Variants in DGKB observed in about 807,000 individuals in gnomAD.
DGKB encodes the protein diacylglycerol kinase beta.
Under a neutral mutation model 114.3 loss-of-function variants are expected in DGKB, and 67 were observed. The observed-to-expected ratio is 0.59, with a 90% CI of 0.48 to 0.72. DGKB has a LOEUF of 0.72. DGKB is among the 30% of genes least tolerant of loss of function. The pLI is 0.00. For missense variants in DGKB, 907 were observed against 975.2 expected (o/e 0.93, Z 0.93); for synonymous variants, 398 against 323.1 (o/e 1.23, Z -2.49).
At chr7:14,715,728 C>A (rs1453711884) in intron 6 of DGKB, among the ~76,000 whole-genome samples, 1 of 152,122 alleles carries the variant, frequency 6.6e-6, no homozygotes, top group Non-Finnish European at 1.5e-5. Context: ...TGACTTCAAG[C>A]AAAACAATGT....
intron 1 of DGKB, among the ~76,000 whole-genome samples, chr7:14,895,689 A>T (rs944948973): frequency 4.5e-4 from 68 of 151,700 alleles, no homozygotes; most frequent in African/African-American, 1.6e-3. Flanking sequence ...CCCGTCAATG[A>T]CTAAAGGATG....
At chr7:14,711,122 T>C (rs1174858530) in intron 6 of DGKB, among the ~76,000 whole-genome samples, 2 of 152,088 alleles carry the variant, frequency 1.3e-5, no homozygotes, top group African/African-American at 4.8e-5. Flanking sequence ...GGAAGGTTGG[T>C]CTGAAAATCC....
chr7:14,323,889 G>C (rs917380576), intron 23 of DGKB, among the ~76,000 whole-genome samples: 1 of 152,126 alleles, frequency 6.6e-6, no homozygotes, highest in African/African-American at 2.4e-5. Context: ...CAAAAAACCT[G>C]TCTATTAGCC....
At chr7:14,835,973 A>T (rs1394943739) in intron 2 of DGKB, among the ~76,000 whole-genome samples, 5 of 152,166 alleles carry the variant, frequency 3.3e-5, no homozygotes, top group Non-Finnish European at 7.3e-5. Flanking sequence ...AAGGCACTGA[A>T]AATCCATTAT....
intron 23 of DGKB, among the ~76,000 whole-genome samples, chr7:14,223,039 G>A (rs1442998080): frequency 6.6e-6 from 1 of 151,516 alleles, no homozygotes; most frequent in African/African-American, 2.4e-5. Flanking sequence ...TCTAAAGTGT[G>A]TCCCCTGAAG....
intron 1 of DGKB, among the ~76,000 whole-genome samples, chr7:14,855,583 G>A (rs1009360360): frequency 4.6e-5 from 7 of 151,980 alleles, no homozygotes; most frequent in African/African-American, 1.7e-4. Flanking sequence ...CACACATTTT[G>A]TCAGATGCTG....
At chr7:14,709,319 G>T (rs1189603838) in intron 6 of DGKB, among the ~76,000 whole-genome samples, 1 of 145,388 alleles carries the variant, frequency 6.9e-6, no homozygotes, top group African/African-American at 2.5e-5. Context: ...GGAAACAACA[G>T]GTGCTGGAGA....
chr7:14,551,338 T>G (rs946527379), intron 20 of DGKB, among the ~76,000 whole-genome samples: 2 of 152,222 alleles, frequency 1.3e-5, no homozygotes, highest in Non-Finnish European at 2.9e-5. Flanking sequence ...GATAAGGTTT[T>G]CATTTTCATG....
rs1272066203 is a variant in DGKB at position 14,148,268 on chromosome 7, CTTAA to C, written c.*859_*862del. 2 of 152,514 alleles carry C rather than the reference CTTAA, an allele frequency of 1.3e-5. No homozygotes were observed. The highest frequency in any genetic ancestry group is 1.9e-4 in the East Asian group (1 of 5,188). The allele number at this position is 152,514 out of a possible 1,614,324, so 9.4% of individuals were successfully genotyped here. Reference sequence around the variant, plus strand: ...GGAACCCTAAATTTGCTCCACAATGCTTAATTAATTATGCATTAACCCATTTCTC... The same window carrying C: ...GGAACCCTAAATTTGCTCCACAATGCTTAATTATGCATTAACCCATTTCTC... On this transcript the variant is annotated 3_prime_UTR_variant, in exon 26 of 26. Transcript: ENST00000402815.
intron 21 of DGKB, among the ~76,000 whole-genome samples, chr7:14,350,053 A>ATTT (rs1813169652): frequency 6.6e-6 from 1 of 152,240 alleles, no homozygotes; most frequent in African/African-American, 2.4e-5. Flanking sequence ...AATGAATGTA[A>ATTT]TTGTAAATCT....
At chr7:14,182,810 T>C (rs1287348650) in intron 23 of DGKB, among the ~76,000 whole-genome samples, 1 of 152,204 alleles carries the variant, frequency 6.6e-6, no homozygotes, top group African/African-American at 2.4e-5. Context: ...ATGTAATTGT[T>C]TCAGACTGCC....
At chr7:14,155,509 C>A (rs1782880453) in intron 25 of DGKB, among the ~76,000 whole-genome samples, 1 of 152,056 alleles carries the variant, frequency 6.6e-6, no homozygotes, top group South Asian at 2.1e-4. Flanking sequence ...GTTTTAGTTA[C>A]ATCATCTCTC....
chr7:14,865,991 C>A (rs1037430164), intron 1 of DGKB, among the ~76,000 whole-genome samples: 2 of 151,896 alleles, frequency 1.3e-5, no homozygotes, highest in Non-Finnish European at 2.9e-5. Flanking sequence ...GAGATGAATA[C>A]AAAAATACAG....
In DGKB at chr7:14,500,697, T is replaced by C. The variant is rs62443478; in HGVS notation, c.1771-22472A>G. Among the ~76,000 whole-genome samples, 801 of 151,818 alleles carry C rather than the reference T, an allele frequency of 5.3e-3. 5 individuals are homozygous for C. The highest frequency in any genetic ancestry group is 0.017 in the Middle Eastern group (5 of 294). On this transcript the variant is annotated intron_variant, in intron 20 of 25. Coordinates refer to ENST00000402815, the MANE Select transcript of DGKB (RefSeq NM_001350709.2). ...TTAAGCATGGTGCCTGGTAGTTGGG[T>C]GTGAAATTGGATTCGGTACTAGGTG...
chr7:14,757,809 A>G, intron 2 of DGKB, 78 bp from the exon 3 acceptor site: 2 of 684,300 alleles, frequency 2.9e-6, no homozygotes, highest in Non-Finnish European at 5.1e-6. Context: ...AACAGAGACC[A>G]CTTAAAATGT....
intron 25 of DGKB, among the ~76,000 whole-genome samples, chr7:14,158,675 T>C (rs369561242): frequency 6.6e-6 from 1 of 152,202 alleles, no homozygotes; most frequent in South Asian, 2.1e-4. Flanking sequence ...CTTGGTGTTA[T>C]GATAATTGAT....
intron 23 of DGKB, among the ~76,000 whole-genome samples, chr7:14,283,120 T>C (rs1451226338): frequency 1.3e-5 from 2 of 151,700 alleles, no homozygotes; most frequent in African/African-American, 4.8e-5. Flanking sequence ...AAACCCACTG[T>C]CTCAGCCCAA....
chr7:14,464,140 T>C (rs1833497697), intron 21 of DGKB, among the ~76,000 whole-genome samples: 1 of 152,082 alleles, frequency 6.6e-6, no homozygotes, highest in African/African-American at 2.4e-5. Flanking sequence ...TTACTTTAGT[T>C]ATATTTGAAA....
At chr7:14,895,741 C>G (rs1048190099) in intron 1 of DGKB, among the ~76,000 whole-genome samples, 2 of 151,570 alleles carry the variant, frequency 1.3e-5, no homozygotes, top group Non-Finnish European at 3.0e-5. Flanking sequence ...ACTTCTGTCT[C>G]CTAAGGGATA....
Sources: allele counts gnomAD v4.1 joint callset (sites outside exome capture counted in the v4.1 genomes callset), GRCh38; gene constraint gnomAD v4.1.1; transcripts MANE v1.5; gene names NCBI Gene and HGNC (gene_info 2026-07-23, HGNC 2026-07-21).